NFYC: variants seen among roughly 807,000 people sequenced by gnomAD.
NFYC encodes nuclear transcription factor Y subunit gamma.
In NFYC, 25 loss-of-function variants were observed where a neutral mutation model predicts 53.1. The ratio of observed to expected loss-of-function variants is 0.47; its 90% CI spans 0.34 to 0.66. NFYC has a LOEUF of 0.66. NFYC is among the 30% of genes least tolerant of loss of function. The probability of loss-of-function intolerance (pLI) is 0.01; values close to 1 mark genes in which losing one functional copy is unlikely to be tolerated. For missense variants in NFYC, 260 were observed against 422.7 expected (o/e 0.62, Z 3.38); for synonymous variants, 145 against 152.6 (o/e 0.95, Z 0.37).
At chr1:40,727,812 T>A (rs920213134) in intron 1 of NFYC, among the ~76,000 whole-genome samples, 8 of 152,096 alleles carry the variant, frequency 5.3e-5, no homozygotes, top group Non-Finnish European at 7.3e-5. Flanking sequence ...ATTACAGGCA[T>A]GAGTCACCGC....
chr1:40,721,208 T>C (rs1644314879), intron 1 of NFYC, among the ~76,000 whole-genome samples: 1 of 152,240 alleles, frequency 6.6e-6, no homozygotes, highest in Non-Finnish European at 1.5e-5. Flanking sequence ...GTGTTTAATT[T>C]CTTTACATTT....
chr1:40,723,113 G>A (rs142267745), intron 1 of NFYC: 56 of 152,304 alleles, frequency 3.7e-4, no homozygotes, highest in African/African-American at 1.3e-3. Flanking sequence ...GGTCAATTGA[G>A]GATGATGTAT....
chr1:40,757,892 C>G, intron 5 of NFYC: 1 of 585,596 alleles, frequency 1.7e-6, no homozygotes, highest in Non-Finnish European at 3.0e-6. Context: ...TTATTTCGTA[C>G]TTCAGAAATT....
chr1:40,729,263 A>G (rs75426633), intron 1 of NFYC, among the ~76,000 whole-genome samples: 1,864 of 152,290 alleles, frequency 0.012, 51 homozygotes, highest in African/African-American at 0.043. Flanking sequence ...CTGTTGTTTA[A>G]TGTAGCCAGT....
intron 1 of NFYC, among the ~76,000 whole-genome samples, chr1:40,713,188 CT>C (rs754468742): frequency 6.6e-6 from 1 of 152,142 alleles, no homozygotes. Flanking sequence ...TTAGGACTTC[CT>C]TTTTTCCCCC....
Position 40,750,103 on chromosome 1 carries a change from T to A in NFYC, c.291+417T>A, listed in dbSNP as rs971877079. On this transcript the variant is annotated intron_variant, in intron 4 of 9. Transcript: ENST00000447388. ...ATCAGTCTCACTAGCTTCATTAGGC[T>A]TTTTGTTCCTTGTCAGCCTTCCTGG... Among the ~76,000 whole-genome samples, 4 of 152,190 alleles carry A rather than the reference T, an allele frequency of 2.6e-5. No individual in the cohort carries two copies. In the South Asian group the frequency reaches 8.3e-4, roughly 31 times the overall value.
At chr1:40,721,879 A>C (rs1217282385) in intron 1 of NFYC, among the ~76,000 whole-genome samples, 5 of 152,010 alleles carry the variant, frequency 3.3e-5, no homozygotes, top group Admixed American at 3.3e-4. Flanking sequence ...GACATATTCT[A>C]AGAATTGAAG....
At chr1:40,769,548 C>T (rs574481515) in intron 9 of NFYC, 133 bp downstream of exon 9, 47 of 738,760 alleles carry the variant, frequency 6.4e-5, no homozygotes, top group Admixed American at 5.3e-4. Context: ...ATTGTTAAAA[C>T]AAGTACGGTA....
At chr1:40,733,576 A>G (rs1375182551) in intron 1 of NFYC, among the ~76,000 whole-genome samples, 1 of 150,878 alleles carries the variant, frequency 6.6e-6, no homozygotes, top group Non-Finnish European at 1.5e-5. Flanking sequence ...TTTTATTATT[A>G]TAATTTTTTT....
intron 8 of NFYC, 177 bp downstream of exon 8, chr1:40,766,880 A>C (rs370957142): frequency 1.0e-5 from 16 of 1,549,170 alleles, no homozygotes; most frequent in Non-Finnish European, 1.3e-5. Flanking sequence ...TTGGAACATT[A>C]GATTCAAAGT....
At chr1:40,750,592 CAAA>C (rs1187710577) in intron 4 of NFYC, among the ~76,000 whole-genome samples, 43 of 94,600 alleles carry the variant, frequency 4.5e-4, no homozygotes, top group African/African-American at 1.2e-3. Context: ...AGTTTTAAAG[CAAA>C]AAAAGCAAAA....
In NFYC at chr1:40,771,482, C is replaced by G. The variant is rs1252151014; in HGVS notation, c.*654C>G. 6.4e-6 allele frequency: 3 copies of G among 468,958 alleles called. No homozygotes were observed. The highest frequency in any genetic ancestry group is 6.0e-5 in the African/African-American group (3 of 49,978). The allele number at this position is 468,958 out of a possible 1,614,324, so 29.0% of individuals were successfully genotyped here. On this transcript the variant is annotated 3_prime_UTR_variant, in exon 10 of 10. Coordinates refer to ENST00000447388, the MANE Select transcript of NFYC (RefSeq NM_014223.5). ...TCTTTTCTCCCAGGGACCCAGGAAA[C>G]TAGGACTTTGTGTGTTTGCTGCCCA... is the stretch of plus-strand genomic sequence containing the variant.
intron 4 of NFYC, 125 bp from the exon 5 acceptor site, chr1:40,753,026 C>A: frequency 1.5e-6 from 1 of 646,530 alleles, no homozygotes; most frequent in Admixed American, 2.4e-5. Flanking sequence ...CTTATTTCAG[C>A]TGTAGACTTG....
chr1:40,748,520 A>G (rs574478865), intron 3 of NFYC, among the ~76,000 whole-genome samples: 3 of 152,338 alleles, frequency 2.0e-5, no homozygotes, highest in East Asian at 1.9e-4. Flanking sequence ...AGCGTCTTAC[A>G]TAGTTTGTTG....
chr1:40,739,471 T>C (rs1206301144), intron 2 of NFYC, among the ~76,000 whole-genome samples: 1 of 152,192 alleles, frequency 6.6e-6, no homozygotes, highest in African/African-American at 2.4e-5. Context: ...GGGGCCGTCT[T>C]ATGCATAACA....
At chr1:40,699,744 A>C (rs1643340317) in intron 1 of NFYC, among the ~76,000 whole-genome samples, 1 of 152,200 alleles carries the variant, frequency 6.6e-6, no homozygotes, top group African/African-American at 2.4e-5. Flanking sequence ...TCACTCCACT[A>C]AAATTTGTAA....
Position 40,693,454 on chromosome 1 carries a change from T to C in NFYC, c.-9+1587T>C, listed in dbSNP as rs531691260. Among the ~76,000 whole-genome samples the C allele has an allele frequency of 5.7e-4, 87 of 152,352 alleles. 1 individual carries two copies. The highest frequency in any genetic ancestry group is 2.0e-3 in the African/African-American group (83 of 41,574). On this transcript the variant is annotated intron_variant, in intron 1 of 9. Coordinates refer to ENST00000447388, the MANE Select transcript of NFYC (RefSeq NM_014223.5). ...AGTCCTTTTTAGCTTTAGATGGTAC[T>C]CTTCTGTTTTCATACCAATTTCAAG...
chr1:40,725,178 A>G (rs1284214843), intron 1 of NFYC, among the ~76,000 whole-genome samples: 1 of 152,230 alleles, frequency 6.6e-6, no homozygotes, highest in Non-Finnish European at 1.5e-5. Context: ...ATGACTATAT[A>G]AAAACCTTAG....
At chr1:40,701,538 T>C (rs1304411816) in intron 1 of NFYC, among the ~76,000 whole-genome samples, 1 of 152,230 alleles carries the variant, frequency 6.6e-6, no homozygotes, top group Non-Finnish European at 1.5e-5. Flanking sequence ...CTTAGGATTT[T>C]AATTCTCCTA....
Sources: gnomAD v4.1 joint callset for allele counts (sites outside exome capture counted in the v4.1 genomes callset) on GRCh38, gnomAD v4.1.1 for gene constraint, MANE v1.5 for transcripts, NCBI Gene and HGNC (gene_info 2026-07-23, HGNC 2026-07-21) for gene names.